The following EYS variants were observed in gnomAD, a reference collection of about 807,000 sequenced individuals.
EYS encodes EGF-like photoreceptor maintenance factor.
EYS carries 250 observed loss-of-function variants against 282.1 expected under a neutral mutation model. The observed-to-expected ratio is 0.89, with a 90% CI of 0.80 to 0.98. The LOEUF is 0.98. EYS is among the 50% of genes least tolerant of loss of function. The probability of loss-of-function intolerance (pLI) is 0.00; values close to 1 mark genes in which losing one functional copy is unlikely to be tolerated. For missense variants in EYS, 4,016 were observed against 3,709.0 expected, an observed-to-expected ratio of 1.08 and a Z score of -2.15; for synonymous variants, 1,355 against 1,282.9, an observed-to-expected ratio of 1.06 and a Z score of -1.20.
chr6:65,084,434 T>C lies in EYS; in HGVS notation c.2024-26707A>G, dbSNP rs182061190. On this transcript the variant is annotated intron_variant, in intron 12 of 42. Coordinates refer to ENST00000503581, the MANE Select transcript of EYS (RefSeq NM_001142800.2). Reference sequence around the variant, plus strand: ...TTCACTCAAATTGCCAATTTAAATGTGGGCTTTCTTCTGAAACAGTAAATG... The same window carrying C: ...TTCACTCAAATTGCCAATTTAAATGCGGGCTTTCTTCTGAAACAGTAAATG... Among the ~76,000 whole-genome samples, 453 of 152,278 alleles carry C rather than the reference T, an allele frequency of 3.0e-3. 8 individuals are homozygous for C. The Middle Eastern group carries it at 0.031, about 10-fold the overall frequency.
intron 22 of EYS, among the ~76,000 whole-genome samples, chr6:64,675,975 C>T (rs1266158147): frequency 2.7e-5 from 4 of 146,676 alleles, no homozygotes; most frequent in Admixed American, 2.1e-4. Context: ...ATCTATTGAT[C>T]GATAGATCTA....
intron 35 of EYS, among the ~76,000 whole-genome samples, chr6:63,914,882 C>T (rs1371812720): frequency 6.6e-6 from 1 of 152,084 alleles, no homozygotes; most frequent in Non-Finnish European, 1.5e-5. Context: ...GGTGAGAAAG[C>T]TACAGAAGAA....
chr6:65,367,399 A>G (rs1432821726), intron 8 of EYS, among the ~76,000 whole-genome samples: 1 of 151,728 alleles, frequency 6.6e-6, no homozygotes, highest in African/African-American at 2.4e-5. Context: ...GCGAATTTTT[A>G]AATAATAAAA....
intron 2 of EYS, among the ~76,000 whole-genome samples, chr6:65,633,939 T>A (rs1011377359): frequency 6.6e-6 from 1 of 152,258 alleles, no homozygotes; most frequent in African/African-American, 2.4e-5. Context: ...GCCTTTGCCT[T>A]GAATGTGTGC....
chr6:64,477,156 G>A (rs1452292741), intron 26 of EYS, among the ~76,000 whole-genome samples: 3 of 152,034 alleles, frequency 2.0e-5, no homozygotes, highest in Non-Finnish European at 4.4e-5. Context: ...TCTACACGTC[G>A]TTTCTCTTCA....
intron 25 of EYS, 119 bp downstream of exon 25, chr6:64,592,998 C>G (rs1766458405): frequency 1.5e-6 from 1 of 673,226 alleles, no homozygotes; most frequent in Non-Finnish European, 2.3e-6. Context: ...CTTAATTTTA[C>G]ACCCCTAAAA....
chr6:65,104,745 C>T (rs6904649), intron 12 of EYS, among the ~76,000 whole-genome samples: 3,300 of 151,428 alleles, frequency 0.022, 84 homozygotes, highest in African/African-American at 0.061. Context: ...AAAAATTATG[C>T]GTTTATTTAT....
intron 19 of EYS, among the ~76,000 whole-genome samples, chr6:64,840,179 T>C (rs1765519266): frequency 6.6e-6 from 1 of 152,114 alleles, no homozygotes; most frequent in African/African-American, 2.4e-5. Context: ...CGTAAAGCAG[T>C]CATAATATCT....
At chr6:63,732,437 C>T (rs1230953571) in intron 41 of EYS, among the ~76,000 whole-genome samples, 1 of 152,062 alleles carries the variant, frequency 6.6e-6, no homozygotes, top group Non-Finnish European at 1.5e-5. Context: ...AAAAGAGGTA[C>T]ATTTTTATTT....
chr6:64,165,905 A>T (rs747118491), intron 31 of EYS, among the ~76,000 whole-genome samples: 15 of 152,234 alleles, frequency 9.9e-5, no homozygotes, highest in Non-Finnish European at 8.8e-5. Context: ...GTAGGAAAAG[A>T]TAGTGCCTGA....
intron 30 of EYS, among the ~76,000 whole-genome samples, chr6:64,264,714 A>G (rs1336770010): frequency 6.6e-6 from 1 of 152,102 alleles, no homozygotes; most frequent in East Asian, 1.9e-4. Flanking sequence ...GTTTGAGACC[A>G]GCCTGGACAA....
chr6:65,125,616 T>G (rs1775696691), intron 12 of EYS, among the ~76,000 whole-genome samples: 2 of 152,202 alleles, frequency 1.3e-5, no homozygotes, highest in Admixed American at 6.6e-5. Context: ...GACCAAAATT[T>G]TTGATGTTTG....
Position 64,714,516 on chromosome 6 carries a change from CTTTTT to C in EYS, c.3444-88276_3444-88272del, listed in dbSNP as rs55730437. ...TATTTGAAACACATTTTCTTTCTTTCTTTTTTTTTTTTTTTTTTTTTTTTTTTGAG... is the reference window on the plus strand; with the variant it reads ...TATTTGAAACACATTTTCTTTCTTTCTTTTTTTTTTTTTTTTTTTTTTGAG... On this transcript the variant is annotated intron_variant, in intron 22 of 42. Transcript: ENST00000503581. Among the ~76,000 whole-genome samples, 11 of 127,904 alleles carry C rather than the reference CTTTTT, an allele frequency of 8.6e-5. 1 individual carries two copies. Among genetic ancestry groups the C allele is most frequent in the Non-Finnish European group, 1.3e-4 (8 of 60,192 alleles). The allele number at this position is 127,904 out of a possible 152,430, so 83.9% of individuals were successfully genotyped here. A position where few individuals can be genotyped will look rare whatever the true frequency, so the allele number is the denominator to read the frequency against.
chr6:65,267,627 G>C (rs1430726510), intron 12 of EYS, among the ~76,000 whole-genome samples: 1 of 151,744 alleles, frequency 6.6e-6, no homozygotes, highest in African/African-American at 2.4e-5. Flanking sequence ...TTAGGTTTAG[G>C]GGATACGTGT....
chr6:65,034,782 C>T (rs1193019674), intron 13 of EYS, among the ~76,000 whole-genome samples: 4 of 151,934 alleles, frequency 2.6e-5, no homozygotes, highest in Non-Finnish European at 5.9e-5. Context: ...ATAAAAATAG[C>T]CTAACACTAG....
In EYS at chr6:64,097,453, C is replaced by T. The variant is rs118070556; in HGVS notation, c.6425-15451G>A. Among the ~76,000 whole-genome samples, 362 of 152,284 alleles carry T rather than the reference C, an allele frequency of 2.4e-3. 2 individuals carry two copies. The highest frequency in any genetic ancestry group is 0.012 in the East Asian group (61 of 5,178). On this transcript the variant is annotated intron_variant, in intron 31 of 42. Coordinates refer to ENST00000503581, the MANE Select transcript of EYS (RefSeq NM_001142800.2). Reference sequence around the variant, plus strand: ...TTACCTACTCAAGCCTCATCAGTTGCGGAGGCCCCTCCCTCAGCCTCGCTT... The same window carrying T: ...TTACCTACTCAAGCCTCATCAGTTGTGGAGGCCCCTCCCTCAGCCTCGCTT...
intron 24 of EYS, among the ~76,000 whole-genome samples, chr6:64,611,440 G>A (rs750580253): frequency 4.6e-5 from 7 of 152,134 alleles, no homozygotes; most frequent in African/African-American, 1.7e-4. Flanking sequence ...CCAAATAAGC[G>A]TCCTAGCTAA....
chr6:64,539,402 A>G (rs958336367), intron 26 of EYS, among the ~76,000 whole-genome samples: 2 of 152,010 alleles, frequency 1.3e-5, no homozygotes, highest in African/African-American at 4.8e-5. Context: ...CTGTCTCTAG[A>G]AAAATAAAAA....
intron 12 of EYS, among the ~76,000 whole-genome samples, chr6:65,190,672 T>C (rs943790080): frequency 6.6e-6 from 1 of 151,840 alleles, no homozygotes; most frequent in African/African-American, 2.4e-5. Context: ...TTTATGTATA[T>C]GCATTCAAGC....
Sources: allele counts gnomAD v4.1 joint callset (sites outside exome capture counted in the v4.1 genomes callset), GRCh38; gene constraint gnomAD v4.1.1; transcripts MANE v1.5; gene names NCBI Gene and HGNC (gene_info 2026-07-23, HGNC 2026-07-21).